The following YWHAQ variants were observed in gnomAD, a reference collection of about 807,000 sequenced individuals.
The protein encoded by YWHAQ is 14-3-3 protein theta.
YWHAQ carries 6 observed loss-of-function variants against 28.3 expected under a neutral mutation model. That is an observed-to-expected ratio of 0.21 (90% CI 0.12 to 0.42). YWHAQ has a LOEUF of 0.42. Ranked by LOEUF, YWHAQ falls within the 10% of genes least tolerant of loss-of-function variation. YWHAQ has a pLI of 1.00. For synonymous variants in YWHAQ, 143 were observed against 119.1 expected (o/e 1.20, Z -1.31); for missense variants, 201 against 305.6 (o/e 0.66, Z 2.55).
chr2:9,622,088 G>A (rs1573005584), intron 2 of YWHAQ, among the ~76,000 whole-genome samples: 1 of 152,124 alleles, frequency 6.6e-6, no homozygotes, highest in South Asian at 2.1e-4. Flanking sequence ...TAATGTAGAT[G>A]ACGGGCTGAT....
intron 4 of YWHAQ, 113 bp from the exon 5 acceptor site, chr2:9,587,622 C>G (rs1165267159): frequency 1.2e-6 from 1 of 810,126 alleles, no homozygotes; most frequent in Non-Finnish European, 1.9e-6. Flanking sequence ...GTTCTACCAT[C>G]AACAAACTCA....
intron 2 of YWHAQ, among the ~76,000 whole-genome samples, chr2:9,601,457 A>ACTC (rs1666691591): frequency 6.6e-6 from 1 of 152,120 alleles, no homozygotes; most frequent in African/African-American, 2.4e-5. Context: ...CAAGAGTGAA[A>ACTC]CTCCACCTCA....
intron 5 of YWHAQ, among the ~76,000 whole-genome samples, chr2:9,586,416 A>G (rs774714632): frequency 1.3e-5 from 2 of 152,238 alleles, no homozygotes; most frequent in Non-Finnish European, 2.9e-5. Context: ...TGAAGATACT[A>G]AATAAAAACA....
chr2:9,627,921 G>C (rs188344346), intron 2 of YWHAQ, among the ~76,000 whole-genome samples: 1 of 152,244 alleles, frequency 6.6e-6, no homozygotes, highest in East Asian at 1.9e-4. Context: ...CGGTATCTTT[G>C]TGAAGCCTTT....
chr2:9,591,379 C>T lies in YWHAQ; in HGVS notation c.418+13G>A, dbSNP rs1183184397. ...TTATATTCTACTTTTGCCCATATAA[C>T]AAATAAACTTACGTTTTCGATCATC... On this transcript the variant is annotated intron_variant, in intron 3 of 5. Transcript: ENST00000238081. 2 of 1,605,934 alleles carry T rather than the reference C, an allele frequency of 1.2e-6. No homozygotes were observed. The highest frequency in any genetic ancestry group is 2.2e-5 in the South Asian group (2 of 90,382).
intron 5 of YWHAQ, among the ~76,000 whole-genome samples, chr2:9,585,555 G>GACAT (rs552606855): frequency 1.7e-3 from 263 of 152,072 alleles, no homozygotes; most frequent in Non-Finnish European, 2.0e-3. Context: ...CTTACAAAAT[G>GACAT]ACATACATAC....
intron 2 of YWHAQ, among the ~76,000 whole-genome samples, chr2:9,592,995 C>A (rs2125063418): frequency 6.6e-6 from 1 of 152,200 alleles, no homozygotes; most frequent in South Asian, 2.1e-4. Context: ...AGAGAAGATC[C>A]TTTTTACATT....
intron 2 of YWHAQ, among the ~76,000 whole-genome samples, chr2:9,602,845 AAAAAAAAAAAAAAAAAAATATATATATAT>A (rs1377266750): frequency 0.023 from 696 of 30,766 alleles, 6 homozygotes; most frequent in Middle Eastern, 0.074. Flanking sequence ...AAAAAAAAAA[AAAAAAAAAAAAAAAAAAATATATATATAT>A]ATATATATAT....
intron 2 of YWHAQ, among the ~76,000 whole-genome samples, chr2:9,608,769 C>T (rs1320290031): frequency 1.3e-5 from 2 of 152,104 alleles, no homozygotes; most frequent in Non-Finnish European, 2.9e-5. Context: ...GCCAACATGG[C>T]GAAACCCCGT....
At chr2:9,588,414 G>C in intron 3 of YWHAQ, 86 bp from the exon 4 acceptor site, 1 of 1,460,852 alleles carries the variant, frequency 6.8e-7, no homozygotes, top group Non-Finnish European at 9.1e-7. Flanking sequence ...TATGCTACTA[G>C]CTCTTGGTAG....
At chr2:9,607,974 C>A (rs1209632617) in intron 2 of YWHAQ, among the ~76,000 whole-genome samples, 1 of 152,042 alleles carries the variant, frequency 6.6e-6, no homozygotes, top group Non-Finnish European at 1.5e-5. Context: ...TCCCAAAGTG[C>A]TGGTATTACA....
At chr2:9,587,611 T>A in intron 4 of YWHAQ, 102 bp from the exon 5 acceptor site, 2 of 967,556 alleles carry the variant, frequency 2.1e-6, no homozygotes, top group Non-Finnish European at 1.5e-6. Context: ...ACCCACCTTA[T>A]GTTCTACCAT....
chr2:9,614,596 C>CTTAGCTAG lies in YWHAQ; in HGVS notation c.294+15562_294+15563insCTAGCTAA, dbSNP rs570407658. On this transcript the variant is annotated intron_variant, in intron 2 of 5. Transcript: ENST00000238081. ...ATTAAACAAAAATAGGTCAAAATTG[C>CTTAGCTAG]CTTGCTAGCTTAGTATATATGGGTC... is the stretch of plus-strand genomic sequence containing the variant. Among the ~76,000 whole-genome samples, 76 of 152,260 alleles carry CTTAGCTAG rather than the reference C, an allele frequency of 5.0e-4. 1 individual carries two copies. The South Asian group carries it at 8.7e-3, about 17-fold the overall frequency.
intron 5 of YWHAQ, among the ~76,000 whole-genome samples, 154 bp downstream of exon 5, chr2:9,587,260 T>A (rs988740271): frequency 6.6e-6 from 1 of 152,228 alleles, no homozygotes; most frequent in African/African-American, 2.4e-5. Flanking sequence ...CTTGAAAACC[T>A]GCCTACAAAA....
In YWHAQ at chr2:9,587,277, T is replaced by C. The variant is rs555822455; in HGVS notation, c.678+137A>G. The C allele has an allele frequency of 5.8e-4, 402 of 697,262 alleles. 5 individuals are homozygous for C. The African/African-American group carries it at 6.6e-3, about 11-fold the overall frequency. The allele number at this position is 697,262 out of a possible 1,614,324, so 43.2% of individuals were successfully genotyped here. A position where few individuals can be genotyped will look rare whatever the true frequency, so the allele number is the denominator to read the frequency against. On this transcript the variant is annotated intron_variant, in intron 5 of 5. Coordinates refer to ENST00000238081, the MANE Select transcript of YWHAQ (RefSeq NM_006826.4). ...TGAAAACCTGCCTACAAAATAATGT[T>C]CGTCCCATAAAATACTAACACGTAT...
At chr2:9,601,008 T>C (rs577344409) in intron 2 of YWHAQ, among the ~76,000 whole-genome samples, 1 of 152,238 alleles carries the variant, frequency 6.6e-6, no homozygotes, top group Non-Finnish European at 1.5e-5. Flanking sequence ...TTATACACTG[T>C]AGGGAACCAA....
intron 5 of YWHAQ, among the ~76,000 whole-genome samples, chr2:9,585,849 G>T (rs2125061045): frequency 6.6e-6 from 1 of 151,278 alleles, no homozygotes; most frequent in East Asian, 2.0e-4. Flanking sequence ...GGAGGTTGAG[G>T]CTGGAGTGAT....
intron 2 of YWHAQ, among the ~76,000 whole-genome samples, chr2:9,626,174 A>G (rs191310709): frequency 4.0e-4 from 61 of 152,356 alleles, no homozygotes; most frequent in Admixed American, 1.8e-3. Flanking sequence ...TTTATGCATT[A>G]TGCTGAAGTA....
chr2:9,607,116 T>G (rs577523866), intron 2 of YWHAQ, among the ~76,000 whole-genome samples: 1 of 152,174 alleles, frequency 6.6e-6, no homozygotes, highest in East Asian at 1.9e-4. Flanking sequence ...ACTCCTGACC[T>G]GTGATCCGCC....
Sources: gnomAD v4.1 joint callset for allele counts (sites outside exome capture counted in the v4.1 genomes callset) on GRCh38, gnomAD v4.1.1 for gene constraint, MANE v1.5 for transcripts, NCBI Gene and HGNC (gene_info 2026-07-23, HGNC 2026-07-21) for gene names.